Variants in PTPRG observed in about 807,000 individuals in gnomAD.
PTPRG encodes the protein protein tyrosine phosphatase receptor type G, also known as receptor-type tyrosine-protein phosphatase gamma.
In PTPRG, 102 loss-of-function variants were observed where a neutral mutation model predicts 165.3. That is an observed-to-expected ratio of 0.62 (90% CI 0.53 to 0.73). PTPRG has a LOEUF of 0.73. Among genes scored for constraint, PTPRG ranks in the 30% least tolerant of loss-of-function variants. PTPRG has a pLI of 0.00. For missense variants in PTPRG, 1,866 were observed against 1,861.4 expected, an observed-to-expected ratio of 1.00 and a Z score of -0.05; for synonymous variants, 675 against 669.5, an observed-to-expected ratio of 1.01 and a Z score of -0.13.
chr3:61,631,048 G>A (rs555346713), intron 1 of PTPRG, among the ~76,000 whole-genome samples: 2 of 151,048 alleles, frequency 1.3e-5, no homozygotes, highest in East Asian at 1.9e-4. Flanking sequence ...AGAGCGAGAC[G>A]CTGTCTCAAA....
intron 6 of PTPRG, among the ~76,000 whole-genome samples, chr3:62,142,079 T>C (rs1200414295): frequency 6.7e-6 from 1 of 149,972 alleles, no homozygotes; most frequent in Non-Finnish European, 1.5e-5. Flanking sequence ...TATGAGTGCA[T>C]CCGAGATTGG....
At chr3:61,574,813 T>C (rs1700139081) in intron 1 of PTPRG, among the ~76,000 whole-genome samples, 2 of 152,084 alleles carry the variant, frequency 1.3e-5, no homozygotes, top group African/African-American at 4.8e-5. Flanking sequence ...GAAGGGGAAG[T>C]GGACATGTGC....
chr3:62,022,343 T>C (rs1028451155), intron 4 of PTPRG, among the ~76,000 whole-genome samples: 3 of 152,226 alleles, frequency 2.0e-5, no homozygotes, highest in Non-Finnish European at 4.4e-5. Context: ...TGTCTGATCT[T>C]TTAGTTAAAT....
intron 1 of PTPRG, among the ~76,000 whole-genome samples, chr3:61,636,694 A>G (rs367976046): frequency 7.2e-5 from 11 of 152,146 alleles, no homozygotes; most frequent in African/African-American, 2.4e-4. Flanking sequence ...CATTTTGTTT[A>G]TACTCTCATT....
chr3:61,782,976 C>G (rs1438171975), intron 2 of PTPRG, among the ~76,000 whole-genome samples: 1 of 151,762 alleles, frequency 6.6e-6, no homozygotes, highest in African/African-American at 2.4e-5. Context: ...CTAATTAAAA[C>G]AAATTTTTTT....
At chr3:62,246,574 G>A (rs1039428527) in intron 15 of PTPRG, among the ~76,000 whole-genome samples, 12 of 152,180 alleles carry the variant, frequency 7.9e-5, no homozygotes, top group Admixed American at 5.9e-4. Context: ...GTACAACGGT[G>A]TCTCATAAAA....
At chr3:61,682,898 A>C (rs1223450944) in intron 1 of PTPRG, among the ~76,000 whole-genome samples, 3 of 152,222 alleles carry the variant, frequency 2.0e-5, no homozygotes, top group African/African-American at 7.2e-5. Context: ...AAAATTTAAA[A>C]CCAGAAAAAG....
chr3:61,675,717 T>G (rs978061975), intron 1 of PTPRG, among the ~76,000 whole-genome samples: 1 of 152,214 alleles, frequency 6.6e-6, no homozygotes, highest in Non-Finnish European at 1.5e-5. Flanking sequence ...GGCTAATGTT[T>G]CAGCTGAAAC....
At chr3:62,263,664 T>C (rs911105070) in intron 17 of PTPRG, 5 of 152,276 alleles carry the variant, frequency 3.3e-5, no homozygotes, top group Admixed American at 2.0e-4. Flanking sequence ...TGAACAGTAC[T>C]GTATAATGTT....
At chr3:62,204,478 G>T (rs1700179006) in intron 12 of PTPRG, among the ~76,000 whole-genome samples, 1 of 152,126 alleles carries the variant, frequency 6.6e-6, no homozygotes, top group Admixed American at 6.5e-5. Flanking sequence ...GCTAGATGGT[G>T]GTTAGTCGGC....
At chr3:61,760,305 G>A (rs115206293) in intron 2 of PTPRG, among the ~76,000 whole-genome samples, 155 of 152,236 alleles carry the variant, frequency 1.0e-3, no homozygotes, top group African/African-American at 3.4e-3. Flanking sequence ...TGCTGGTCTG[G>A]TATAACCATA....
chr3:61,657,195 G>T (rs1034358745), intron 1 of PTPRG, among the ~76,000 whole-genome samples: 5 of 152,144 alleles, frequency 3.3e-5, no homozygotes, highest in East Asian at 1.9e-4. Context: ...AGCCAGCAAG[G>T]CTTGTTTTGT....
intron 2 of PTPRG, among the ~76,000 whole-genome samples, chr3:61,866,796 A>C (rs2037425045): frequency 6.6e-6 from 1 of 151,586 alleles, no homozygotes; most frequent in Admixed American, 6.6e-5. Context: ...ATGGCATTTC[A>C]CCATGTTGGC....
At chr3:61,893,823 C>A (rs757011654) in intron 2 of PTPRG, among the ~76,000 whole-genome samples, 1 of 152,136 alleles carries the variant, frequency 6.6e-6, no homozygotes, top group Non-Finnish European at 1.5e-5. Flanking sequence ...AGAAACATTT[C>A]GTTTATGCAA....
At chr3:62,175,858 T>A (rs566005927) in intron 8 of PTPRG, among the ~76,000 whole-genome samples, 1 of 152,160 alleles carries the variant, frequency 6.6e-6, no homozygotes, top group East Asian at 1.9e-4. Context: ...GAAGGTCATT[T>A]GCAAGGGCCC....
intron 1 of PTPRG, among the ~76,000 whole-genome samples, chr3:61,711,612 G>A (rs2031560451): frequency 6.6e-6 from 1 of 152,166 alleles, no homozygotes; most frequent in South Asian, 2.1e-4. Flanking sequence ...TTTTTAAAGA[G>A]CTTCTGCACA....
chr3:61,728,847 C>G (rs939100), intron 1 of PTPRG, among the ~76,000 whole-genome samples: 41,303 of 142,294 alleles, frequency 0.29, 6,714 homozygotes, highest in East Asian at 0.75. Context: ...GCCCAGTCTG[C>G]GCATCACAGT....
intron 8 of PTPRG, among the ~76,000 whole-genome samples, chr3:62,169,534 G>C (rs1705138208): frequency 6.6e-6 from 1 of 151,974 alleles, no homozygotes; most frequent in Non-Finnish European, 1.5e-5. Flanking sequence ...AGAACTTCTG[G>C]TTCTACCCTC....
chr3:61,768,971 A>T (rs999102490), intron 2 of PTPRG, among the ~76,000 whole-genome samples: 11 of 152,338 alleles, frequency 7.2e-5, no homozygotes, highest in Non-Finnish European at 1.0e-4. Context: ...AAGTAGTAAA[A>T]GGAAAAACTA....
Sources: gnomAD v4.1 joint callset for allele counts (sites outside exome capture counted in the v4.1 genomes callset) on GRCh38, gnomAD v4.1.1 for gene constraint, MANE v1.5 for transcripts, NCBI Gene and HGNC (gene_info 2026-07-23, HGNC 2026-07-21) for gene names.